The following ONECUT2 variants were observed in gnomAD, a reference collection of about 807,000 sequenced individuals.
ONECUT2 encodes one cut domain family member 2.
Under a neutral mutation model 27.9 loss-of-function variants are expected in ONECUT2, and 10 were observed. The observed-to-expected ratio is 0.36, with a 90% CI of 0.22 to 0.61. The LOEUF is 0.61. Among genes scored for constraint, ONECUT2 ranks in the 20% least tolerant of loss-of-function variants. ONECUT2 has a pLI of 0.73. For missense variants in ONECUT2, 686 were observed against 721.0 expected, an observed-to-expected ratio of 0.95 and a Z score of 0.56; for synonymous variants, 334 against 315.1, an observed-to-expected ratio of 1.06 and a Z score of -0.64.
chr18:57,453,300 C>CG (rs1307497170), intron 1 of ONECUT2, among the ~76,000 whole-genome samples: 5 of 152,182 alleles, frequency 3.3e-5, no homozygotes, highest in Admixed American at 1.3e-4. Context: ...ACTGTACTCA[C>CG]GTAGATATCT....
chr18:57,436,900 T>G lies in ONECUT2; in HGVS notation c.1184T>G (p.Leu395Arg). ...ACCTTCCGCAGGATGTGGAAGTGGCTTCAGGAGCCCGAGTTCCAGCGCATG... is the reference window on the plus strand; with the variant it reads ...ACCTTCCGCAGGATGTGGAAGTGGCGTCAGGAGCCCGAGTTCCAGCGCATG... ...RETFRRMWKW[L>R]QEPEFQRMSA... Residue 395 changes from leucine to arginine, a missense_variant, in exon 1 of 2, where the codon CTT (leucine) becomes CGT (arginine). Coordinates refer to ENST00000491143, the MANE Select transcript of ONECUT2 (RefSeq NM_004852.3). This position sits in a 1 kb window ranked among gnomAD's most constrained non-coding sequence, Gnocchi z 5.9. 1 of 1,612,636 alleles carries G rather than the reference T, an allele frequency of 6.2e-7. No individual in the cohort carries two copies. Among genetic ancestry groups the G allele is most frequent in the Non-Finnish European group, 8.5e-7 (1 of 1,179,632 alleles).
At chr18:57,461,880 G>A (rs1028507617) in intron 1 of ONECUT2, among the ~76,000 whole-genome samples, 8 of 152,230 alleles carry the variant, frequency 5.3e-5, no homozygotes, top group East Asian at 1.9e-4. Context: ...GTCGTGCCCC[G>A]CAGTGGTGAA....
intron 1 of ONECUT2, among the ~76,000 whole-genome samples, chr18:57,469,071 T>G (rs1331226863): frequency 6.6e-6 from 1 of 152,164 alleles, no homozygotes; most frequent in Non-Finnish European, 1.5e-5. Flanking sequence ...GGTACAAATG[T>G]GAACCTACTT....
intron 1 of ONECUT2, among the ~76,000 whole-genome samples, chr18:57,441,437 C>T (rs896536917): frequency 2.0e-5 from 3 of 152,220 alleles, no homozygotes; most frequent in African/African-American, 4.8e-5. Context: ...GCTCCTCCCC[C>T]GCGAGGCCCC....
intron 1 of ONECUT2, among the ~76,000 whole-genome samples, chr18:57,449,054 T>C (rs547541308): frequency 8.5e-5 from 13 of 152,348 alleles, no homozygotes; most frequent in Non-Finnish European, 1.6e-4. Flanking sequence ...CTTTCCTTCA[T>C]TCTTCTGAAG....
In ONECUT2 at chr18:57,485,108, C is replaced by T. The variant is rs1033371967; in HGVS notation, c.*8385C>T. ...ACTTTTGAACCTTTCCATTACAAAG[C>T]ATTGTATAGATAACTTTTTAATTCA... is the stretch of plus-strand genomic sequence containing the variant. On this transcript the variant is annotated 3_prime_UTR_variant, in exon 2 of 2. Transcript: ENST00000491143. The T allele has an allele frequency of 1.8e-4, 28 of 152,224 alleles. No individual in the cohort carries two copies. The highest frequency in any genetic ancestry group is 6.7e-4 in the African/African-American group (28 of 41,544). The allele number at this position is 152,224 out of a possible 1,614,324, so 9.4% of individuals were successfully genotyped here. A position where few individuals can be genotyped will look rare whatever the true frequency, so the allele number is the denominator to read the frequency against.
At chr18:57,440,123 G>A (rs2050166218) in intron 1 of ONECUT2, among the ~76,000 whole-genome samples, 1 of 152,236 alleles carries the variant, frequency 6.6e-6, no homozygotes, top group Admixed American at 6.5e-5. Flanking sequence ...GATTCGTTCG[G>A]AAAGGGCGGC....
rs776987933 is a variant in ONECUT2, at chr18:57,435,823, C to T, written c.107C>T (p.Ala36Val). The stretch of plus-strand genomic sequence containing the variant: ...AGTCTGGGCACTTTGCACGGGCCGG[C>T]CGGCGGCGGCAGTGGCGGGGGCGGC... ...MESLGTLHGP[A>V]GGGSGGGGGG... The change falls in exon 1 of 2, where the codon GCC becomes GTC. Residue 36 changes from alanine (A) to valine (V), a missense_variant. By Grantham distance (64) the Ala-to-Val change is moderately conservative. Coordinates refer to ENST00000491143, the MANE Select transcript of ONECUT2 (RefSeq NM_004852.3). The T allele has an allele frequency of 1.8e-6, 2 of 1,117,660 alleles. No individual in the cohort carries two copies. The highest frequency in any genetic ancestry group is 5.3e-5 in the South Asian group (2 of 37,816). The allele number at this position is 1,117,660 out of a possible 1,614,324, so 69.2% of individuals were successfully genotyped here.
intron 1 of ONECUT2, among the ~76,000 whole-genome samples, chr18:57,453,726 G>T (rs773511438): frequency 2.6e-5 from 4 of 152,176 alleles, no homozygotes; most frequent in Non-Finnish European, 5.9e-5. Flanking sequence ...AGCTCACAGC[G>T]GCTAGCTTTC....
intron 1 of ONECUT2, among the ~76,000 whole-genome samples, chr18:57,447,477 G>C (rs2144306140): frequency 6.6e-6 from 1 of 152,352 alleles, no homozygotes; most frequent in East Asian, 1.9e-4. Flanking sequence ...CGATAATAAA[G>C]GGAAGAGGAG....
At chr18:57,450,703 G>A (rs1301780347) in intron 1 of ONECUT2, among the ~76,000 whole-genome samples, 2 of 151,902 alleles carry the variant, frequency 1.3e-5, no homozygotes, top group Non-Finnish European at 2.9e-5. Flanking sequence ...CAAATCAGAG[G>A]GACTGCTTTC....
intron 1 of ONECUT2, among the ~76,000 whole-genome samples, chr18:57,462,237 C>G (rs2050295889): frequency 6.6e-6 from 1 of 152,168 alleles, no homozygotes; most frequent in Non-Finnish European, 1.5e-5. Context: ...AAGTCTCTTG[C>G]CTGTTTTTCT....
chr18:57,470,512 C>T (rs1355342048), intron 1 of ONECUT2, among the ~76,000 whole-genome samples: 1 of 152,146 alleles, frequency 6.6e-6, no homozygotes, highest in Non-Finnish European at 1.5e-5. Flanking sequence ...CTTTGGCTTC[C>T]ACTGGGACTC....
chr18:57,435,621 C>T lies in ONECUT2; in HGVS notation c.-96C>T, dbSNP rs529744430. ...ACTCCTCTCCACTCACTCCCGCGCC[C>T]GCCCCCACTCCCGCAGCCGAGCCCC... On this transcript the variant is annotated 5_prime_UTR_variant, in exon 1 of 2. Coordinates refer to ENST00000491143, the MANE Select transcript of ONECUT2 (RefSeq NM_004852.3). The T allele has an allele frequency of 1.2e-4, 119 of 973,020 alleles. No individual in the cohort carries two copies. The highest frequency in any genetic ancestry group is 1.4e-4 in the Non-Finnish European group (118 of 817,484). The allele number at this position is 973,020 out of a possible 1,614,324, so 60.3% of individuals were successfully genotyped here. A position where few individuals can be genotyped will look rare whatever the true frequency, so the allele number is the denominator to read the frequency against.
chr18:57,445,230 T>G (rs1598931756), intron 1 of ONECUT2, among the ~76,000 whole-genome samples: 1 of 152,188 alleles, frequency 6.6e-6, no homozygotes, highest in Admixed American at 6.5e-5. Flanking sequence ...ATGCAATATT[T>G]TGGACTCTGT....
At chr18:57,444,324 G>A (rs983800000) in intron 1 of ONECUT2, 3 of 456,280 alleles carry the variant, frequency 6.6e-6, no homozygotes, top group African/African-American at 6.0e-5. Flanking sequence ...TATTACTTAT[G>A]TTGCATTGAC....
chr18:57,457,982 G>A (rs994195871), intron 1 of ONECUT2, among the ~76,000 whole-genome samples: 1 of 152,156 alleles, frequency 6.6e-6, no homozygotes, highest in African/African-American at 2.4e-5. Context: ...TGGGGTAGGG[G>A]GCTGGGGGAG....
intron 1 of ONECUT2, among the ~76,000 whole-genome samples, chr18:57,438,243 TCCC>T (rs1183767345): frequency 6.6e-6 from 1 of 152,140 alleles, no homozygotes; most frequent in South Asian, 2.1e-4. Flanking sequence ...AATGTCCAGG[TCCC>T]CCGCTGGGAA....
chr18:57,481,803 G>T lies in ONECUT2; in HGVS notation c.*5080G>T, dbSNP rs1489801741. On this transcript the variant is annotated 3_prime_UTR_variant, in exon 2 of 2. Transcript: ENST00000491143. ...AACTCTATTAAAAAGTGGAGAAAAAGATAATACATGTGGTCAAGGTTGACC... is the reference window on the plus strand; with the variant it reads ...AACTCTATTAAAAAGTGGAGAAAAATATAATACATGTGGTCAAGGTTGACC... The T allele has an allele frequency of 6.6e-6, 1 of 152,180 alleles. No homozygotes were observed. Among genetic ancestry groups the T allele is most frequent in the African/African-American group, 2.4e-5 (1 of 41,432 alleles). 9.4% of individuals were successfully genotyped at this position (152,180 alleles called of 1,614,324 possible).
Sources: gnomAD v4.1 joint callset for allele counts (sites outside exome capture counted in the v4.1 genomes callset) on GRCh38, gnomAD v4.1.1 for gene constraint, Gnocchi (gnomAD v3.1) non-coding constraint, MANE v1.5 for transcripts, NCBI Gene and HGNC (gene_info 2026-07-23, HGNC 2026-07-21) for gene names.